Variants in LNP1 observed in about 807,000 individuals in gnomAD.
The protein encoded by LNP1 is leukemia NUP98 fusion partner 1.
In LNP1, 12 loss-of-function variants were observed where a neutral mutation model predicts 14.5. That is an observed-to-expected ratio of 0.83 (90% CI 0.53 to 1.34). LNP1 has a LOEUF of 1.34. LNP1 is among the 40% of genes most tolerant of loss of function. The pLI is 0.00. For synonymous variants in LNP1, 75 were observed against 71.4 expected, an observed-to-expected ratio of 1.05 and a Z score of -0.26; for missense variants, 198 against 210.9, an observed-to-expected ratio of 0.94 and a Z score of 0.38.
chr3:100,440,682 C>T (rs1707336252), intron 2 of LNP1, among the ~76,000 whole-genome samples: 1 of 152,138 alleles, frequency 6.6e-6, no homozygotes, highest in East Asian at 1.9e-4. Flanking sequence ...TTAATGAACC[C>T]ATGCTGTGAA....
At chr3:100,430,431 G>A (rs1265519007) in intron 2 of LNP1, among the ~76,000 whole-genome samples, 1 of 152,188 alleles carries the variant, frequency 6.6e-6, no homozygotes, top group Non-Finnish European at 1.5e-5. Context: ...GTTACAGCTA[G>A]GCAGAGCACC....
At chr3:100,424,984 T>G (rs551703807) in intron 1 of LNP1, among the ~76,000 whole-genome samples, 1 of 152,340 alleles carries the variant, frequency 6.6e-6, no homozygotes, top group Non-Finnish European at 1.5e-5. Context: ...GGCTTTCTCC[T>G]TAAGGTTTTG....
At chr3:100,419,483 C>A (rs1707123565) in intron 1 of LNP1, among the ~76,000 whole-genome samples, 1 of 152,042 alleles carries the variant, frequency 6.6e-6, no homozygotes, top group African/African-American at 2.4e-5. Context: ...ACTAGCTATG[C>A]ACACACTCAT....
At chr3:100,417,454 G>A (rs1187985140) in intron 1 of LNP1, among the ~76,000 whole-genome samples, 1 of 122,998 alleles carries the variant, frequency 8.1e-6, no homozygotes, top group Non-Finnish European at 1.6e-5. Context: ...TCAGCTCACT[G>A]CAACCTCCGC....
chr3:100,412,845 T>C (rs1347540355), intron 1 of LNP1, among the ~76,000 whole-genome samples: 2 of 152,242 alleles, frequency 1.3e-5, no homozygotes, highest in African/African-American at 2.4e-5. Context: ...GTCATCTTTG[T>C]ACTCCTGTAT....
At chr3:100,447,823 T>C (rs1486146473) in intron 2 of LNP1, among the ~76,000 whole-genome samples, 1 of 152,184 alleles carries the variant, frequency 6.6e-6, no homozygotes, top group Non-Finnish European at 1.5e-5. Flanking sequence ...AACTTTTTTT[T>C]ACATCGCTCT....
chr3:100,429,226 T>C, intron 1 of LNP1, among the ~76,000 whole-genome samples: 1 of 152,212 alleles, frequency 6.6e-6, no homozygotes, highest in Non-Finnish European at 1.5e-5. Context: ...GCTCCAGATA[T>C]GACATGGCAA....
chr3:100,409,956 C>CATCCATCT (rs1491195210), intron 1 of LNP1, among the ~76,000 whole-genome samples: 1 of 149,406 alleles, frequency 6.7e-6, no homozygotes, highest in East Asian at 2.0e-4. Flanking sequence ...ACATAGCTTA[C>CATCCATCT]ATCTATCTAT....
At chr3:100,450,045 T>TTTTA (rs1707423306) in intron 2 of LNP1, among the ~76,000 whole-genome samples, 1 of 151,840 alleles carries the variant, frequency 6.6e-6, no homozygotes, top group African/African-American at 2.4e-5. Context: ...ACTTTCCTTT[T>TTTTA]TTTATTTTTC....
chr3:100,412,355 C>T (rs1482589390), intron 1 of LNP1, among the ~76,000 whole-genome samples: 3 of 152,192 alleles, frequency 2.0e-5, no homozygotes, highest in Non-Finnish European at 4.4e-5. Context: ...CCATTAGGCA[C>T]CACCTCCCAA....
intron 1 of LNP1, among the ~76,000 whole-genome samples, chr3:100,411,883 C>CG (rs1215498684): frequency 1.8e-4 from 28 of 152,046 alleles, no homozygotes; most frequent in African/African-American, 6.0e-4. Flanking sequence ...TGGGGGAACA[C>CG]GGGGGACAAA....
intron 1 of LNP1, among the ~76,000 whole-genome samples, chr3:100,420,139 T>C (rs937258311): frequency 1.3e-5 from 2 of 152,248 alleles, no homozygotes; most frequent in African/African-American, 4.8e-5. Flanking sequence ...ATGTTGAACA[T>C]CTTTTCCTGT....
intron 1 of LNP1, among the ~76,000 whole-genome samples, chr3:100,420,601 G>A (rs1475594488): frequency 4.6e-5 from 7 of 152,110 alleles, no homozygotes; most frequent in African/African-American, 1.7e-4. Context: ...ACAGGTGTGA[G>A]CCACCATGCC....
chr3:100,429,968 G>C, intron 2 of LNP1, 83 bp downstream of exon 2: 2 of 1,428,922 alleles, frequency 1.4e-6, no homozygotes, highest in Non-Finnish European at 1.9e-6. Flanking sequence ...GGAATCTTTG[G>C]ATATAAAGTT....
intron 1 of LNP1, among the ~76,000 whole-genome samples, chr3:100,419,357 G>A (rs1354906741): frequency 2.0e-5 from 3 of 152,120 alleles, no homozygotes; most frequent in African/African-American, 7.2e-5. Flanking sequence ...AGTGTACACA[G>A]AAGTCCCATG....
chr3:100,402,217 A>G lies in LNP1; in HGVS notation c.-256A>G, dbSNP rs1366899233. ...GAAGACAACTATTAATAGAAAAATC[A>G]GAGTCCAGAACTATGGTTCTCCATT... is the stretch of plus-strand genomic sequence containing the variant. On this transcript the variant is annotated 5_prime_UTR_variant, in exon 1 of 4. Transcript: ENST00000383693. 1 of 152,282 alleles carries G rather than the reference A, an allele frequency of 6.6e-6. No individual in the cohort carries two copies. Among genetic ancestry groups the G allele is most frequent in the Admixed American group, 6.5e-5 (1 of 15,292 alleles). The allele number at this position is 152,282 out of a possible 1,614,324, so 9.4% of individuals were successfully genotyped here.
chr3:100,434,824 C>T (rs1260116718), intron 2 of LNP1, among the ~76,000 whole-genome samples: 4 of 140,382 alleles, frequency 2.8e-5, no homozygotes, highest in Admixed American at 7.6e-5. Context: ...CCACTGCACC[C>T]GGCTGTCTTT....
chr3:100,437,987 A>G (rs1707307227), intron 2 of LNP1, among the ~76,000 whole-genome samples: 1 of 152,174 alleles, frequency 6.6e-6, no homozygotes, highest in Non-Finnish European at 1.5e-5. Flanking sequence ...CTCATATGTA[A>G]AAGGGGAAGA....
In LNP1 at chr3:100,408,683, TG is replaced by T. The variant is rs764421750; in HGVS notation, c.-34+6251del. Among the ~76,000 whole-genome samples the T allele has an allele frequency of 3.9e-5, 6 of 152,202 alleles. No homozygotes were observed. The South Asian group carries it at 6.2e-4, about 16-fold the overall frequency. ...GTTACTGGCCTGAAGTCATGGGTCA[TG>T]GGGGGGTCTACCCAGTGCTGAGTTT... On this transcript the variant is annotated intron_variant, in intron 1 of 3. Transcript: ENST00000383693.
Sources: allele counts gnomAD v4.1 joint callset (sites outside exome capture counted in the v4.1 genomes callset), GRCh38; gene constraint gnomAD v4.1.1; transcripts MANE v1.5; gene names NCBI Gene and HGNC (gene_info 2026-07-23, HGNC 2026-07-21).